DPP6: variants seen among roughly 807,000 people sequenced by gnomAD.
DPP6 encodes the protein A-type potassium channel modulatory protein DPP6.
DPP6 carries 69 observed loss-of-function variants against 122.6 expected under a neutral mutation model. The ratio of observed to expected loss-of-function variants is 0.56; its 90% CI spans 0.46 to 0.69. The LOEUF (loss-of-function observed/expected upper bound fraction) is 0.69. Among genes scored for constraint, DPP6 ranks in the 30% least tolerant of loss-of-function variants. The probability of loss-of-function intolerance (pLI) is 0.00; values close to 1 mark genes in which losing one functional copy is unlikely to be tolerated. For synonymous variants in DPP6, 418 were observed against 433.1 expected (o/e 0.97, Z 0.43); for missense variants, 928 against 1,116.9 (o/e 0.83, Z 2.41).
intron 16 of DPP6, among the ~76,000 whole-genome samples, chr7:154,807,802 A>G (rs1798793818): frequency 6.6e-6 from 1 of 152,190 alleles, no homozygotes; most frequent in Admixed American, 6.5e-5. Flanking sequence ...AGCCTGGGCA[A>G]CAGAGTGAGA....
At chr7:154,588,237 C>T (rs1249672008) in intron 5 of DPP6, 2 of 1,350,460 alleles carry the variant, frequency 1.5e-6, no homozygotes, top group African/African-American at 2.9e-5. Flanking sequence ...GGGAGGGACC[C>T]TCCACTGGTT....
At chr7:154,312,633 G>T (rs527796323) in intron 1 of DPP6, among the ~76,000 whole-genome samples, 1 of 152,180 alleles carries the variant, frequency 6.6e-6, no homozygotes, top group Admixed American at 6.5e-5. Flanking sequence ...GGCAGAGGGG[G>T]CGATGGGAGA....
intron 1 of DPP6, among the ~76,000 whole-genome samples, chr7:154,201,178 A>T (rs890664228): frequency 2.6e-5 from 4 of 151,960 alleles, no homozygotes; most frequent in African/African-American, 9.7e-5. Context: ...CCCAGGCTGG[A>T]ATGCAGTGGT....
chr7:154,135,268 A>G (rs1265122075), intron 1 of DPP6, among the ~76,000 whole-genome samples: 3 of 151,148 alleles, frequency 2.0e-5, no homozygotes, highest in Non-Finnish European at 4.4e-5. Context: ...GTGAGCCCAC[A>G]TTTCCTCCGA....
intron 1 of DPP6, among the ~76,000 whole-genome samples, chr7:154,054,113 A>G (rs558032600): frequency 1.3e-5 from 2 of 151,118 alleles, no homozygotes; most frequent in Non-Finnish European, 2.9e-5. Context: ...ATTACTATGT[A>G]TGCCTTTGAG....
chr7:154,749,889 G>A (rs1274256032), intron 8 of DPP6, among the ~76,000 whole-genome samples: 1 of 134,192 alleles, frequency 7.5e-6, no homozygotes, highest in Non-Finnish European at 1.6e-5. Context: ...GGGTGAGAGA[G>A]CATAGGATGG....
the DPP6 span, among the ~76,000 whole-genome samples, chr7:153,810,671 CCTCTCT>C: frequency 0.12 from 14,770 of 124,364 alleles, 840 homozygotes; most frequent in East Asian, 0.16. Context: ...CTCTCTCTCT[CCTCTCT>C]CTCTCTCTCT....
intron 1 of DPP6, among the ~76,000 whole-genome samples, chr7:154,414,813 G>A (rs1348240986): frequency 6.6e-6 from 1 of 152,152 alleles, no homozygotes. Flanking sequence ...GTTGCCGAAG[G>A]GTGCTCACGG....
intron 12 of DPP6, 119 bp from the exon 13 acceptor site, chr7:154,801,236 T>C (rs1798345788): frequency 7.2e-7 from 1 of 1,390,312 alleles, no homozygotes; most frequent in East Asian, 2.5e-5. Flanking sequence ...TTATTTCAAC[T>C]GTTCCTCTCC....
In DPP6 at chr7:154,210,656, A is replaced by G. The variant is rs1341643850; in HGVS notation, c.243+157593A>G. 4.6e-5 allele frequency among the ~76,000 whole-genome samples: 7 copies of G among 152,268 alleles called. No homozygotes were observed. In the East Asian group the frequency reaches 1.4e-3, roughly 29 times the overall value. Reference sequence around the variant, plus strand: ...GAAATTCGTTAATGAAGTGACCGCCAGGCACCTGGACGAGCCCTGAGGGTA... The same window carrying G: ...GAAATTCGTTAATGAAGTGACCGCCGGGCACCTGGACGAGCCCTGAGGGTA... On this transcript the variant is annotated intron_variant, in intron 1 of 25. Transcript: ENST00000377770.
In DPP6 at chr7:154,481,376, T is replaced by C. The variant is rs1475059430; in HGVS notation, c.457+6339T>C. 6.6e-6 allele frequency among the ~76,000 whole-genome samples: 1 copy of C among 151,794 alleles called. No homozygotes were observed. The highest frequency in any genetic ancestry group is 2.4e-5 in the African/African-American group (1 of 41,312). ...GTGTGTGTGTGTGTGTGTGTGTGTCTGTGTGTGTGTGCATGTCAGTCACTG... is the reference window on the plus strand; with the variant it reads ...GTGTGTGTGTGTGTGTGTGTGTGTCCGTGTGTGTGTGCATGTCAGTCACTG... On this transcript the variant is annotated intron_variant, in intron 3 of 25. Transcript: ENST00000377770. This position sits in a 1 kb window ranked among gnomAD's most constrained non-coding sequence, Gnocchi z 4.2.
At chr7:154,500,990 G>C (rs948280085) in intron 3 of DPP6, among the ~76,000 whole-genome samples, 2 of 152,226 alleles carry the variant, frequency 1.3e-5, no homozygotes, top group African/African-American at 2.4e-5. Context: ...GGTGGTCTCA[G>C]ACAGAGATGA....
intron 3 of DPP6, among the ~76,000 whole-genome samples, chr7:154,523,380 T>G (rs1827153488): frequency 6.6e-6 from 1 of 152,204 alleles, no homozygotes; most frequent in Admixed American, 6.5e-5. Flanking sequence ...GCTGAAAATA[T>G]GTAAACATAA....
chr7:154,333,858 G>A lies in DPP6; in HGVS notation c.244-112356G>A, dbSNP rs115472130. Among the ~76,000 whole-genome samples, 792 of 152,250 alleles carry A rather than the reference G, an allele frequency of 5.2e-3. 2 individuals carry two copies. The highest frequency in any genetic ancestry group is 0.018 in the African/African-American group (750 of 41,554). On this transcript the variant is annotated intron_variant, in intron 1 of 25. Coordinates refer to ENST00000377770, the MANE Select transcript of DPP6 (RefSeq NM_130797.4). ...TTATAATTTGTAATGATTTATATCA[G>A]CCTTTTAAAAATGCTCACAGTCATG...
chr7:154,803,099 C>A (rs1324605769), intron 13 of DPP6, among the ~76,000 whole-genome samples: 1 of 152,162 alleles, frequency 6.6e-6, no homozygotes, highest in Non-Finnish European at 1.5e-5. Flanking sequence ...GGCCCTGCTG[C>A]CCCCCAACCC....
At chr7:153,843,049 TGAGTGCATACAC>T in the DPP6 span, among the ~76,000 whole-genome samples, 3 of 151,070 alleles carry the variant, frequency 2.0e-5, no homozygotes, top group African/African-American at 7.3e-5. Flanking sequence ...CATACACACA[TGAGTGCATACAC>T]GAGTGCATAC....
intron 6 of DPP6, among the ~76,000 whole-genome samples, chr7:154,653,592 T>C (rs543331798): frequency 6.6e-6 from 1 of 151,830 alleles, no homozygotes; most frequent in African/African-American, 2.4e-5. Flanking sequence ...TGATAGATAA[T>C]AGACTGATTG....
rs766155594 is a variant in DPP6 at position 154,887,743 on chromosome 7, G to A, written c.2304+9G>A. On this transcript the variant is annotated intron_variant, in intron 23 of 25. Coordinates refer to ENST00000377770, the MANE Select transcript of DPP6 (RefSeq NM_130797.4). ...ACAACAGAGCATACGAGGTGTGTAT[G>A]GGCACAACTAGAGAATGTGATGAGA... The A allele has an allele frequency of 9.9e-6, 16 of 1,613,452 alleles. No homozygotes were observed. The highest frequency in any genetic ancestry group is 8.3e-5 in the Admixed American group (5 of 60,002).
intron 5 of DPP6, 91 bp downstream of exon 5, chr7:154,567,007 G>C: frequency 2.2e-6 from 2 of 928,114 alleles, no homozygotes; most frequent in Non-Finnish European, 3.3e-6. Context: ...TATACTTAGT[G>C]ATCTTTGAAT....
Sources: allele counts gnomAD v4.1 joint callset (sites outside exome capture counted in the v4.1 genomes callset), GRCh38; gene constraint gnomAD v4.1.1; non-coding constraint Gnocchi (gnomAD v3.1); transcripts MANE v1.5; gene names NCBI Gene and HGNC (gene_info 2026-07-23, HGNC 2026-07-21).